ASTN2: variants seen among roughly 807,000 people sequenced by gnomAD.
ASTN2 encodes astrotactin-2.
Under a neutral mutation model 139.8 loss-of-function variants are expected in ASTN2, and 54 were observed. That is an observed-to-expected ratio of 0.39 (90% CI 0.31 to 0.48). ASTN2 has a LOEUF of 0.48. Ranked by LOEUF, ASTN2 falls within the 20% of genes least tolerant of loss-of-function variation. ASTN2 has a pLI of 0.95. For missense variants in ASTN2, 1,565 were observed against 1,725.1 expected (o/e 0.91, Z 1.64); for synonymous variants, 756 against 719.5 (o/e 1.05, Z -0.81).
At position 116,752,715 on chromosome 9, in the gene ASTN2, C is replaced by A. The variant is rs531980672; in HGVS notation, c.2397-19192G>T. 2.8e-4 allele frequency among the ~76,000 whole-genome samples: 43 copies of A among 152,258 alleles called. 1 individual carries two copies. The South Asian group carries it at 8.1e-3, about 29-fold the overall frequency. On this transcript the variant is annotated intron_variant, in intron 13 of 22. Coordinates refer to ENST00000313400, the MANE Select transcript of ASTN2 (RefSeq NM_001365068.1). The stretch of plus-strand genomic sequence containing the variant: ...ATTAAAAATGAGCAAAAGAGCTGAA[C>A]AGACACCTCACCAAAGAAAATATAC...
intron 5 of ASTN2, among the ~76,000 whole-genome samples, chr9:117,053,017 A>C (rs918153715): frequency 2.6e-5 from 4 of 152,236 alleles, no homozygotes; most frequent in Non-Finnish European, 5.9e-5. Context: ...AGGCCTCTTG[A>C]TAGGGTTGTC....
At position 116,697,799 on chromosome 9, in the gene ASTN2, A is replaced by G. The variant is rs1860943175; in HGVS notation, c.2806+27972T>C. On this transcript the variant is annotated intron_variant, in intron 16 of 22. Coordinates refer to ENST00000313400, the MANE Select transcript of ASTN2 (RefSeq NM_001365068.1). ...TGGATGCCCTCCGGGAAGTGCTAGA[A>G]TGCCCCATCTGCATGGAGTCCTTCA... 5 of 1,614,170 alleles carry G rather than the reference A, an allele frequency of 3.1e-6. No homozygotes were observed. Among genetic ancestry groups the G allele is most frequent in the African/African-American group, 2.7e-5 (2 of 75,056 alleles).
intron 5 of ASTN2, among the ~76,000 whole-genome samples, chr9:117,063,461 G>A (rs760625508): frequency 7.2e-5 from 11 of 152,110 alleles, no homozygotes; most frequent in East Asian, 3.9e-4. Context: ...AACCCATTTC[G>A]CTTGGCTCTC....
intron 19 of ASTN2, among the ~76,000 whole-genome samples, chr9:116,579,305 G>A (rs986930646): frequency 2.0e-5 from 3 of 152,186 alleles, no homozygotes; most frequent in Non-Finnish European, 2.9e-5. Flanking sequence ...TTCAAACACT[G>A]GATCTGTCTG....
intron 3 of ASTN2, among the ~76,000 whole-genome samples, chr9:117,156,875 T>C (rs1413410): frequency 0.5 from 75,148 of 151,784 alleles, 19,292 homozygotes; most frequent in East Asian, 0.68. Context: ...AATCTTAATT[T>C]GAAATGTCTT....
chr9:116,949,637 T>C (rs920800108), intron 10 of ASTN2, among the ~76,000 whole-genome samples: 6 of 152,184 alleles, frequency 3.9e-5, no homozygotes, highest in African/African-American at 1.4e-4. Flanking sequence ...GGTCAAATTG[T>C]GACCAATTCT....
intron 14 of ASTN2, among the ~76,000 whole-genome samples, chr9:116,730,907 C>T (rs1368387187): frequency 6.6e-6 from 1 of 152,180 alleles, no homozygotes; most frequent in African/African-American, 2.4e-5. Flanking sequence ...GAAATAAAAG[C>T]TTCTCCAATG....
At chr9:117,357,198 C>A (rs1022592462) in intron 1 of ASTN2, among the ~76,000 whole-genome samples, 111 of 152,178 alleles carry the variant, frequency 7.3e-4, no homozygotes, top group African/African-American at 2.5e-3. Flanking sequence ...AAACTACATG[C>A]AAATTTAAAA....
At chr9:116,562,057 G>A (rs1364372295) in intron 19 of ASTN2, 2 of 152,222 alleles carry the variant, frequency 1.3e-5, no homozygotes, top group Non-Finnish European at 2.9e-5. Flanking sequence ...AAGCTAGAGT[G>A]AAAGAGGTTG....
intron 1 of ASTN2, among the ~76,000 whole-genome samples, chr9:117,413,851 C>G (rs1831244461): frequency 6.6e-6 from 1 of 152,132 alleles, no homozygotes; most frequent in Admixed American, 6.5e-5. Context: ...ACGTGGAGAC[C>G]TCGGAGTCGG....
chr9:116,901,155 T>A (rs555233345), intron 10 of ASTN2, among the ~76,000 whole-genome samples: 8 of 152,118 alleles, frequency 5.3e-5, no homozygotes, highest in South Asian at 2.1e-4. Flanking sequence ...CATATGGCCA[T>A]TTTTACTTTA....
chr9:116,499,981 C>T (rs1849800201), intron 19 of ASTN2, among the ~76,000 whole-genome samples: 1 of 152,090 alleles, frequency 6.6e-6, no homozygotes, highest in Non-Finnish European at 1.5e-5. Context: ...CCACCTAACT[C>T]CTGTTTATTT....
At chr9:117,141,175 C>T (rs898830530) in intron 4 of ASTN2, 151 bp downstream of exon 4, 2 of 818,712 alleles carry the variant, frequency 2.4e-6, no homozygotes, top group Non-Finnish European at 3.4e-6. Context: ...GAGCATAGGT[C>T]TGCAGCCTCC....
intron 3 of ASTN2, among the ~76,000 whole-genome samples, chr9:117,163,254 G>A (rs1830593832): frequency 6.6e-6 from 1 of 152,056 alleles, no homozygotes; most frequent in Non-Finnish European, 1.5e-5. Flanking sequence ...GAGACTGAAA[G>A]GTTGGCAAAT....
At chr9:117,248,096 C>G (rs533906063) in intron 2 of ASTN2, among the ~76,000 whole-genome samples, 3 of 152,182 alleles carry the variant, frequency 2.0e-5, no homozygotes, top group African/African-American at 7.2e-5. Context: ...TGTCAGTCAA[C>G]GCCCCAGCCT....
intron 1 of ASTN2, among the ~76,000 whole-genome samples, chr9:117,406,162 C>T (rs1329433447): frequency 6.6e-6 from 1 of 152,158 alleles, no homozygotes; most frequent in Admixed American, 6.5e-5. Context: ...GAAGGAGGTA[C>T]ATTAGCTGCT....
chr9:116,620,095 C>G (rs1770596180), intron 18 of ASTN2, among the ~76,000 whole-genome samples: 1 of 152,108 alleles, frequency 6.6e-6, no homozygotes, highest in African/African-American at 2.4e-5. Context: ...TCATTTAAAA[C>G]AAGCATGCAC....
intron 14 of ASTN2, among the ~76,000 whole-genome samples, chr9:116,733,186 C>T (rs1828834042): frequency 1.3e-5 from 2 of 152,218 alleles, no homozygotes; most frequent in South Asian, 4.1e-4. Context: ...AAGATGACTG[C>T]AGTCCCAAGT....
intron 2 of ASTN2, among the ~76,000 whole-genome samples, chr9:117,228,219 G>C (rs975200827): frequency 2.4e-5 from 3 of 122,556 alleles, no homozygotes; most frequent in Non-Finnish European, 5.5e-5. Context: ...TTTGTATATA[G>C]GTGTTTGTTA....
Sources: gnomAD v4.1 joint callset for allele counts (sites outside exome capture counted in the v4.1 genomes callset) on GRCh38, gnomAD v4.1.1 for gene constraint, MANE v1.5 for transcripts, NCBI Gene and HGNC (gene_info 2026-07-23, HGNC 2026-07-21) for gene names.